Variants in ZNF782 observed in about 807,000 individuals in gnomAD.
ZNF782 encodes the protein zinc finger protein 782.
A neutral mutation model predicts 13.0 loss-of-function variants in ZNF782; 12 were observed. That is an observed-to-expected ratio of 0.92 (90% CI 0.59 to 1.50). The LOEUF is 1.50. Ranked by LOEUF, ZNF782 falls within the 40% of genes most tolerant of loss-of-function variation. The probability of loss-of-function intolerance (pLI) is 0.00; values close to 1 mark genes in which losing one functional copy is unlikely to be tolerated. For synonymous variants in ZNF782, 284 were observed against 283.0 expected, an observed-to-expected ratio of 1.00 and a Z score of -0.04; for missense variants, 770 against 822.9, an observed-to-expected ratio of 0.94 and a Z score of 0.79.
rs1249916704 is a variant in ZNF782 at position 96,827,132 on chromosome 9, T to C, written c.192A>G (p.Glu64=). The C allele has an allele frequency of 8.1e-6, 13 of 1,612,878 alleles. No individual in the cohort carries two copies. Among genetic ancestry groups the C allele is most frequent in the East Asian group, 2.2e-5 (1 of 44,858 alleles). Reference sequence around the variant, plus strand: ...TCTCTTTCTCTAATAACCATGGATCTTCTCCTTGTTCCAATGTGAAGATCA... The same window carrying C: ...TCTCTTTCTCTAATAACCATGGATCCTCTCCTTGTTCCAATGTGAAGATCA... ...PELIFTLEQG[E]DPWLLEKEKG... is the part of the protein sequence containing the mutation. The change falls in exon 5 of 6, where the codon GAA becomes GAG. Residue 64 remains glutamate, a synonymous_variant. Transcript: ENST00000481138.
chr9:96,893,238 G>A, the ZNF782 span: 2 of 152,220 alleles, frequency 1.3e-5, no homozygotes, highest in South Asian at 2.1e-4. Context: ...TCTTTACTGG[G>A]GGATGGGCAG....
At position 96,828,151 on chromosome 9, in the gene ZNF782, G is replaced by A. The variant is rs556362850; in HGVS notation, c.143-970C>T. ...AGGAAAAGACCAGTGAAAAAGAATAGGCTGAAAAATCACTACAGCATACAC... is the reference window on the plus strand; with the variant it reads ...AGGAAAAGACCAGTGAAAAAGAATAAGCTGAAAAATCACTACAGCATACAC... On this transcript the variant is annotated intron_variant, in intron 4 of 5. Transcript: ENST00000481138. Among the ~76,000 whole-genome samples the A allele has an allele frequency of 8.6e-4, 131 of 152,252 alleles. 1 individual carries two copies. The highest frequency in any genetic ancestry group is 3.0e-3 in the African/African-American group (124 of 41,556).
chr9:96,839,480 G>A (rs1851123240), intron 4 of ZNF782, among the ~76,000 whole-genome samples: 1 of 151,986 alleles, frequency 6.6e-6, no homozygotes. Flanking sequence ...GGGAGGAACA[G>A]GAAGAAGTAT....
At chr9:96,840,671 G>A (rs1391519964) in intron 4 of ZNF782, among the ~76,000 whole-genome samples, 1 of 152,012 alleles carries the variant, frequency 6.6e-6, no homozygotes, top group Non-Finnish European at 1.5e-5. Flanking sequence ...CTATATGAAT[G>A]AGTGTTCAAT....
chr9:96,881,988 AGTGTGTGTGTGT>A, the ZNF782 span, among the ~76,000 whole-genome samples: 118 of 148,396 alleles, frequency 8.0e-4, no homozygotes, highest in African/African-American at 2.8e-3. Context: ...TGGAAGTATG[AGTGTGTGTGTGT>A]GTGTGTGTGT....
the ZNF782 span, chr9:96,895,129 T>C: frequency 6.6e-6 from 1 of 152,134 alleles, no homozygotes; most frequent in Non-Finnish European, 1.5e-5. Flanking sequence ...GAAATTACAG[T>C]GGGAACTGCT....
chr9:96,925,758 T>A, the ZNF782 span, among the ~76,000 whole-genome samples: 1 of 147,614 alleles, frequency 6.8e-6, no homozygotes, highest in Non-Finnish European at 1.5e-5. Flanking sequence ...TGTCTCCACA[T>A]GATGACGCTG....
the ZNF782 span, among the ~76,000 whole-genome samples, chr9:96,915,056 A>C: frequency 1.2e-4 from 18 of 151,700 alleles, 1 homozygote; most frequent in Middle Eastern, 3.4e-3. Context: ...GCCTGGGTCT[A>C]AAGGAGATAT....
intron 1 of ZNF782, among the ~76,000 whole-genome samples, chr9:96,871,461 A>C (rs1851827780): frequency 6.6e-6 from 1 of 152,182 alleles, no homozygotes; most frequent in Non-Finnish European, 1.5e-5. Flanking sequence ...CTCTGGCTTC[A>C]TTTTGCAGAA....
intron 3 of ZNF782, among the ~76,000 whole-genome samples, chr9:96,848,637 T>C (rs190832380): frequency 1.3e-5 from 2 of 151,978 alleles, no homozygotes; most frequent in African/African-American, 4.8e-5. Context: ...AGGTGAAAGA[T>C]CTCTACAAGA....
At chr9:96,822,910 G>C (rs1389250437) in intron 5 of ZNF782, among the ~76,000 whole-genome samples, 2 of 152,098 alleles carry the variant, frequency 1.3e-5, no homozygotes, top group Non-Finnish European at 2.9e-5. Context: ...TTTGCAATTT[G>C]CAGTTTTACT....
chr9:96,926,380 T>C, the ZNF782 span, among the ~76,000 whole-genome samples: 1 of 152,066 alleles, frequency 6.6e-6, no homozygotes, highest in South Asian at 2.1e-4. Flanking sequence ...CATTTACTGT[T>C]TGTTTGGTTT....
rs1446633516 is a variant in ZNF782 at position 96,848,739 on chromosome 9, AT to A, written c.15+3207del. Among the ~76,000 whole-genome samples, 14 of 152,340 alleles carry A rather than the reference AT, an allele frequency of 9.2e-5. No homozygotes were observed. In the East Asian group the frequency reaches 2.7e-3, roughly 29 times the overall value. On this transcript the variant is annotated intron_variant, in intron 3 of 5. Transcript: ENST00000481138. The stretch of plus-strand genomic sequence containing the variant: ...GATTGGAAGAATCAATATTGTGAAA[AT>A]GACCATTCTGCCCAAAGCAATCTAC...
intron 2 of ZNF782, among the ~76,000 whole-genome samples, chr9:96,861,102 T>G (rs1000155350): frequency 6.6e-6 from 1 of 152,052 alleles, no homozygotes; most frequent in Admixed American, 6.6e-5. Flanking sequence ...AAAAAAATTT[T>G]AAAAAAGATT....
intron 5 of ZNF782, among the ~76,000 whole-genome samples, chr9:96,824,433 C>A (rs1245955012): frequency 6.7e-6 from 1 of 148,700 alleles, no homozygotes. Flanking sequence ...CTATGACAAA[C>A]CCACAGCCAA....
At chr9:96,881,927 C>T in the ZNF782 span, among the ~76,000 whole-genome samples, 2 of 151,474 alleles carry the variant, frequency 1.3e-5, no homozygotes, top group Non-Finnish European at 2.9e-5. Flanking sequence ...AAATGTTAAG[C>T]CTTCCTTGTT....
the ZNF782 span, chr9:96,891,663 A>C: frequency 6.6e-6 from 1 of 151,040 alleles, no homozygotes; most frequent in Non-Finnish European, 1.5e-5. Context: ...GCGTTCAAGC[A>C]ATTCTCTGCC....
Position 96,827,166 on chromosome 9 carries a change from TTTG to T in ZNF782, c.155_157del (p.Thr52del). The T allele has an allele frequency of 6.2e-7, 1 of 1,610,948 alleles. No homozygotes were observed. Among genetic ancestry groups the T allele is most frequent in the Non-Finnish European group, 8.5e-7 (1 of 1,178,556 alleles). On this transcript the variant is annotated inframe_deletion, in exon 5 of 6. Transcript: ENST00000481138. ...TTCCAATGTGAAGATCAGTTCTGGTTTTGTAAAGCAGTAGCCTATAAATGGGAA... is the reference window on the plus strand; with the variant it reads ...TTCCAATGTGAAGATCAGTTCTGGTTTAAAGCAGTAGCCTATAAATGGGAA...
At chr9:96,844,629 TG>T (rs1009981029) in intron 4 of ZNF782, among the ~76,000 whole-genome samples, 2 of 152,092 alleles carry the variant, frequency 1.3e-5, no homozygotes, top group African/African-American at 4.8e-5. Context: ...AAGAATCTTC[TG>T]GGGGGTGATA....
Sources: gnomAD v4.1 joint callset for allele counts (sites outside exome capture counted in the v4.1 genomes callset) on GRCh38, gnomAD v4.1.1 for gene constraint, MANE v1.5 for transcripts, NCBI Gene and HGNC (gene_info 2026-07-23, HGNC 2026-07-21) for gene names.